The following DNAJC13 variants were observed in gnomAD, a reference collection of about 807,000 sequenced individuals.
The protein encoded by DNAJC13 is dnaJ homolog subfamily C member 13.
Under a neutral mutation model 290.5 loss-of-function variants are expected in DNAJC13, and 75 were observed. The ratio of observed to expected loss-of-function variants is 0.26; its 90% CI spans 0.21 to 0.31. The LOEUF (loss-of-function observed/expected upper bound fraction) is 0.31, where lower values mean the gene tolerates loss of function less well. Among genes scored for constraint, DNAJC13 ranks in the 10% least tolerant of loss-of-function variants. The pLI is 1.00. For synonymous variants in DNAJC13, 862 were observed against 892.0 expected (o/e 0.97, Z 0.60); for missense variants, 2,260 against 2,674.5 (o/e 0.85, Z 3.42).
intron 25 of DNAJC13, among the ~76,000 whole-genome samples, chr3:132,480,024 C>T (rs1934615780): frequency 6.6e-6 from 1 of 152,074 alleles, no homozygotes; most frequent in Non-Finnish European, 1.5e-5. Flanking sequence ...ATATAGCAGA[C>T]TTTATTTCTG....
chr3:132,489,091 CTG>C, intron 31 of DNAJC13, 70 bp downstream of exon 31: 1 of 1,271,402 alleles, frequency 7.9e-7, no homozygotes. Context: ...GTTTCCTGAG[CTG>C]TGTATTATGT....
chr3:132,497,403 CTATGG>C (rs1935267697), intron 36 of DNAJC13, among the ~76,000 whole-genome samples: 1 of 152,062 alleles, frequency 6.6e-6, no homozygotes, highest in South Asian at 2.1e-4. Context: ...GAGCCATTTG[CTATGG>C]TATGTTGGGA....
Position 132,492,536 on chromosome 3 carries a change from A to G in DNAJC13, c.3746A>G (p.Asn1249Ser), listed in dbSNP as rs1453954435. 3 of 1,613,748 alleles carry G rather than the reference A, an allele frequency of 1.9e-6. No homozygotes were observed. Among genetic ancestry groups the G allele is most frequent in the African/African-American group, 1.3e-5 (1 of 74,884 alleles). The change falls in exon 33 of 56, where the codon AAT becomes AGT. Residue 1249 changes from asparagine (N) to serine (S), a missense_variant. This residue lies in a region of DNAJC13 where 1,494 missense variants were observed against 1,693.7 expected (regional missense o/e 0.88). Transcript: ENST00000260818. ...ATAATCAACTATCCACAACTCGAAA[A>G]TGAACTATTTTGTAATATTTATTAC... Reference protein sequence around the residue: ...IPIINYPQLENELFCNIYYLK... With the variant: ...IPIINYPQLESELFCNIYYLK...
Position 132,478,053 on chromosome 3 carries a change from A to G in DNAJC13, c.2622A>G (p.Leu874=). The change falls in exon 24 of 56, where the codon TTA becomes TTG. Residue 874 remains leucine, a synonymous_variant. Transcript: ENST00000260818. ...TPKVNMKCLC[L]QALAIVYGRC... The stretch of plus-strand genomic sequence containing the variant: ...AAGTAAACATGAAGTGTTTATGTTT[A>G]CAAGCCCTTGCTATTGTTTATGGCA... 6.2e-7 allele frequency: 1 copy of G among 1,613,718 alleles called. No individual in the cohort carries two copies. Among genetic ancestry groups the G allele is most frequent in the Non-Finnish European group, 8.5e-7 (1 of 1,179,868 alleles).
intron 43 of DNAJC13, 21 bp from the exon 44 acceptor site, chr3:132,511,046 A>G (rs768429195): frequency 6.2e-7 from 1 of 1,609,492 alleles, no homozygotes; most frequent in South Asian, 1.1e-5. Flanking sequence ...TGTTGTTTAA[A>G]TACTTGTCTG....
rs532829053 is a variant in DNAJC13 at position 132,466,360 on chromosome 3, G to A, written c.2030G>A (p.Arg677Gln). ...SDLVPEKDAD[R>Q]MHVRDNVKIA... ...CTCGTACCTGAGAAGGATGCTGATC[G>A]GATGCATGTTAGAGACAATGTGAAA... is the stretch of plus-strand genomic sequence containing the variant. The change falls in exon 19 of 56, where the codon CGG becomes CAG. Residue 677 changes from arginine (R) to glutamine (Q), a missense_variant. Arg to Gln is a conservative substitution (Grantham distance 43, BLOSUM62 1). Around this residue, in one of 3 missense-constraint regions of DNAJC13, gnomAD observed 762 missense variants for 964.1 expected, o/e 0.79. Coordinates refer to ENST00000260818, the MANE Select transcript of DNAJC13 (RefSeq NM_015268.4). The A allele has an allele frequency of 6.2e-6, 10 of 1,602,036 alleles. No individual in the cohort carries two copies. The highest frequency in any genetic ancestry group is 1.1e-5 in the South Asian group (1 of 88,122).
In DNAJC13 at chr3:132,457,371, AAGT is replaced by A. The variant is rs1933644098; in HGVS notation, c.1449+10_1449+12del. The stretch of plus-strand genomic sequence containing the variant: ...ATATGCTTTGTGCCCTTATGTGTGT[AAGT>A]AGTAGTTTTCTTAAGGAAACTGGTT... On this transcript the variant is annotated splice_donor_5th_base_variant and intron_variant, in intron 13 of 55. Coordinates refer to ENST00000260818, the MANE Select transcript of DNAJC13 (RefSeq NM_015268.4). 1.2e-6 allele frequency: 2 copies of A among 1,608,888 alleles called. No homozygotes were observed. Among genetic ancestry groups the A allele is most frequent in the African/African-American group, 2.7e-5 (2 of 74,672 alleles).
chr3:132,512,589 TA>T (rs1014355737), intron 44 of DNAJC13, among the ~76,000 whole-genome samples: 7 of 152,188 alleles, frequency 4.6e-5, no homozygotes, highest in African/African-American at 1.7e-4. Flanking sequence ...GTATTATAGT[TA>T]AGTGGCAGAG....
chr3:132,442,240 T>G (rs1203024718), intron 2 of DNAJC13, among the ~76,000 whole-genome samples: 1 of 151,980 alleles, frequency 6.6e-6, no homozygotes, highest in South Asian at 2.1e-4. Context: ...CAAGTGATCC[T>G]CCCGCCTCGG....
At chr3:132,516,568 G>A in intron 47 of DNAJC13, 72 bp downstream of exon 47, 1 of 1,558,400 alleles carries the variant, frequency 6.4e-7, no homozygotes, top group Non-Finnish European at 8.8e-7. Flanking sequence ...GCATTTTACA[G>A]CCTGATAAAC....
rs1934706362 is a variant in DNAJC13, at chr3:132,482,350, T to A, written c.2979+20T>A. ...CATGAGGTATGTATCTTGGAGATACTTTTGGTGAAGGTCTCAGCATTTCTT... is the reference window on the plus strand; with the variant it reads ...CATGAGGTATGTATCTTGGAGATACATTTGGTGAAGGTCTCAGCATTTCTT... On this transcript the variant is annotated intron_variant, in intron 27 of 55. Coordinates refer to ENST00000260818, the MANE Select transcript of DNAJC13 (RefSeq NM_015268.4). 1 of 1,596,814 alleles carries A rather than the reference T, an allele frequency of 6.3e-7. No individual in the cohort carries two copies. The highest frequency in any genetic ancestry group is 1.3e-5 in the African/African-American group (1 of 74,534).
At chr3:132,455,640 T>C (rs1233070177) in intron 9 of DNAJC13, among the ~76,000 whole-genome samples, 1 of 152,228 alleles carries the variant, frequency 6.6e-6, no homozygotes, top group Non-Finnish European at 1.5e-5. Flanking sequence ...AATGGAATAC[T>C]ACTCAGCAAT....
At chr3:132,471,286 C>G (rs1418318785) in intron 20 of DNAJC13, among the ~76,000 whole-genome samples, 1 of 135,798 alleles carries the variant, frequency 7.4e-6, no homozygotes, top group Non-Finnish European at 1.6e-5. Context: ...GCTGGCCGGT[C>G]GGGGGGGCTG....
chr3:132,436,206 C>A (rs1201578674), intron 2 of DNAJC13, among the ~76,000 whole-genome samples: 3 of 152,184 alleles, frequency 2.0e-5, no homozygotes, highest in Admixed American at 6.5e-5. Context: ...CGTTACAAAT[C>A]AGCAGTTAAC....
intron 2 of DNAJC13, among the ~76,000 whole-genome samples, chr3:132,437,826 T>C (rs1939419817): frequency 6.6e-6 from 1 of 152,172 alleles, no homozygotes; most frequent in African/African-American, 2.4e-5. Flanking sequence ...GAGTCAGTTG[T>C]TAATTTTTTT....
At chr3:132,476,823 G>A (rs1325915548) in intron 22 of DNAJC13, among the ~76,000 whole-genome samples, 3 of 152,186 alleles carry the variant, frequency 2.0e-5, no homozygotes, top group Non-Finnish European at 4.4e-5. Flanking sequence ...TCTTTTGAAT[G>A]TCGTTATCTG....
chr3:132,434,654 C>T (rs747876962), intron 2 of DNAJC13, 36 bp downstream of exon 2: 1 of 1,520,158 alleles, frequency 6.6e-7, no homozygotes, highest in Non-Finnish European at 9.0e-7. Context: ...TTCTGTGCTT[C>T]TATAAAATAT....
chr3:132,526,040 A>T, intron 52 of DNAJC13, 101 bp from the exon 53 acceptor site: 1 of 1,455,628 alleles, frequency 6.9e-7, no homozygotes, highest in Non-Finnish European at 9.2e-7. Flanking sequence ...AACTGAAAGT[A>T]AGGGATTCTT....
At chr3:132,532,098 T>TTC (rs1342835858) in intron 55 of DNAJC13, among the ~76,000 whole-genome samples, 1 of 152,178 alleles carries the variant, frequency 6.6e-6, no homozygotes, top group African/African-American at 2.4e-5. Context: ...ACCTTAGGAA[T>TTC]ATGAGGCGGT....
Sources: gnomAD v4.1 joint callset for allele counts (sites outside exome capture counted in the v4.1 genomes callset) on GRCh38, gnomAD v4.1.1 for gene constraint, gnomAD v4.1.1 regional missense constraint, MANE v1.5 for transcripts, NCBI Gene and HGNC (gene_info 2026-07-23, HGNC 2026-07-21) for gene names.